The following NSUN6 variants were observed in gnomAD, a reference collection of about 807,000 sequenced individuals.
NSUN6 encodes tRNA (cytosine(72)-C(5))-methyltransferase NSUN6.
A neutral mutation model predicts 58.0 loss-of-function variants in NSUN6; 64 were observed. The observed-to-expected ratio is 1.10, with a 90% CI of 0.90 to 1.36. The LOEUF is 1.36. Among genes scored for constraint, NSUN6 ranks in the 40% most tolerant of loss-of-function variants. The pLI is 0.00. For missense variants in NSUN6, 701 were observed against 550.1 expected (o/e 1.27, Z -2.74); for synonymous variants, 231 against 193.9 (o/e 1.19, Z -1.59).
At chr10:18,562,551 G>A (rs191728413) in intron 8 of NSUN6, among the ~76,000 whole-genome samples, 1 of 148,502 alleles carries the variant, frequency 6.7e-6, no homozygotes, top group African/African-American at 2.6e-5. Context: ...GAATAGAATG[G>A]AATGGAGAAT....
chr10:18,590,001 T>C (rs2057316844), intron 7 of NSUN6, among the ~76,000 whole-genome samples: 1 of 152,086 alleles, frequency 6.6e-6, no homozygotes, highest in African/African-American at 2.4e-5. Context: ...GTGTGCTGTA[T>C]TCGGGAGACC....
chr10:18,559,792 G>A (rs945221838), intron 8 of NSUN6, among the ~76,000 whole-genome samples: 9 of 136,856 alleles, frequency 6.6e-5, no homozygotes, highest in East Asian at 3.2e-4. Context: ...GAATGGAAGC[G>A]AATGGAGAAT....
chr10:18,608,770 C>T (rs1056734673), intron 6 of NSUN6, among the ~76,000 whole-genome samples: 7 of 151,986 alleles, frequency 4.6e-5, no homozygotes, highest in African/African-American at 1.2e-4. Flanking sequence ...CTCAGGGCTA[C>T]GTTGCCAAAT....
chr10:18,651,424 AAT>A lies in NSUN6; in HGVS notation c.-223_-222del, dbSNP rs886129829. The stretch of plus-strand genomic sequence containing the variant: ...GGCTTCCACCACACCTCATCGAGGC[AAT>A]GTTTTCTGGTAGAGATGCTCATGGA... On this transcript the variant is annotated 5_prime_UTR_variant, in exon 1 of 11. The change creates a premature stop within an existing upstream ORF in the 5' untranslated region. Coordinates refer to ENST00000377304, the MANE Select transcript of NSUN6 (RefSeq NM_182543.5). 5.8e-5 allele frequency: 72 copies of A among 1,238,864 alleles called. No homozygotes were observed. The highest frequency in any genetic ancestry group is 7.2e-5 in the Non-Finnish European group (71 of 990,524). The allele number at this position is 1,238,864 out of a possible 1,614,324, so 76.7% of individuals were successfully genotyped here. A position where few individuals can be genotyped will look rare whatever the true frequency, so the allele number is the denominator to read the frequency against.
upstream of NSUN6, chr10:18,658,519 G>T: frequency 5.1e-6 from 1 of 196,950 alleles, no homozygotes; most frequent in Non-Finnish European, 9.2e-6. Flanking sequence ...AAGTGGAATT[G>T]AAAACAATTA....
upstream of NSUN6, chr10:18,652,299 AT>A: frequency 1.0e-6 from 1 of 984,816 alleles, no homozygotes; most frequent in Non-Finnish European, 1.2e-6. Flanking sequence ...TCACTGAGTC[AT>A]TTTATAACTG....
At chr10:18,551,739 G>T in intron 9 of NSUN6, 84 bp downstream of exon 9, 2 of 1,156,504 alleles carry the variant, frequency 1.7e-6, no homozygotes, top group Non-Finnish European at 2.5e-6. Flanking sequence ...TGTAATGAAC[G>T]CTGCTATGGA....
At chr10:18,554,485 A>C (rs975146448) in intron 8 of NSUN6, among the ~76,000 whole-genome samples, 13 of 151,586 alleles carry the variant, frequency 8.6e-5, no homozygotes, top group African/African-American at 3.1e-4. Context: ...GGAGAATGGA[A>C]TGAAAGGGAG....
chr10:18,595,412 T>A (rs2131200861), intron 7 of NSUN6, among the ~76,000 whole-genome samples: 1 of 152,346 alleles, frequency 6.6e-6, no homozygotes, highest in Middle Eastern at 3.4e-3. Context: ...TAATGGAGAA[T>A]TAACACTTTC....
At chr10:18,634,152 A>T (rs751950849) in intron 3 of NSUN6, among the ~76,000 whole-genome samples, 46 of 152,358 alleles carry the variant, frequency 3.0e-4, no homozygotes, top group Admixed American at 9.1e-4. Flanking sequence ...GCAGATTTTA[A>T]AAATGTAAAC....
At chr10:18,570,765 C>A (rs1474072818) in intron 8 of NSUN6, among the ~76,000 whole-genome samples, 1 of 136,036 alleles carries the variant, frequency 7.4e-6, no homozygotes, top group African/African-American at 2.6e-5. Context: ...TTCTCCATTC[C>A]ATTCCATGCT....
At chr10:18,560,455 C>T (rs560645594) in intron 8 of NSUN6, among the ~76,000 whole-genome samples, 56 of 136,532 alleles carry the variant, frequency 4.1e-4, no homozygotes, top group African/African-American at 1.5e-3. Flanking sequence ...GAATGGCATG[C>T]ACTGGTGAAT....
intron 3 of NSUN6, among the ~76,000 whole-genome samples, chr10:18,624,082 A>G (rs552317141): frequency 6.6e-6 from 1 of 152,302 alleles, no homozygotes; most frequent in South Asian, 2.1e-4. Flanking sequence ...TGTAAACCAA[A>G]CAAAAGGAAA....
At chr10:18,652,446 G>GAC (rs1227011924), upstream of NSUN6, 3 of 982,618 alleles carry the variant, frequency 3.1e-6, no homozygotes, top group East Asian at 2.3e-4. Context: ...TATACACACA[G>GAC]ACACACACAC....
chr10:18,553,920 T>C (rs1316500918), intron 8 of NSUN6, among the ~76,000 whole-genome samples: 1 of 147,862 alleles, frequency 6.8e-6, no homozygotes, highest in African/African-American at 2.5e-5. Flanking sequence ...TGGAATGGAA[T>C]GGAGAACGGT....
intron 6 of NSUN6, among the ~76,000 whole-genome samples, chr10:18,598,880 C>T (rs557315355): frequency 2.0e-5 from 3 of 152,168 alleles, no homozygotes; most frequent in Non-Finnish European, 4.4e-5. Flanking sequence ...GCTGGCTATG[C>T]TTCACTCCTA....
chr10:18,585,840 T>G, intron 8 of NSUN6, 109 bp downstream of exon 8: 1 of 807,294 alleles, frequency 1.2e-6, no homozygotes, highest in Non-Finnish European at 1.9e-6. Context: ...ATTAGCTTGT[T>G]TTAATCATTC....
At chr10:18,578,692 C>A (rs927239698) in intron 8 of NSUN6, among the ~76,000 whole-genome samples, 7 of 152,148 alleles carry the variant, frequency 4.6e-5, no homozygotes, top group Non-Finnish European at 2.9e-5. Flanking sequence ...TCTTTTAATC[C>A]TGTGGCCAGC....
At chr10:18,616,407 A>C (rs11813408) in intron 3 of NSUN6, 114 bp from the exon 4 acceptor site, 1 of 576,000 alleles carries the variant, frequency 1.7e-6, no homozygotes, top group African/African-American at 1.9e-5. Flanking sequence ...TCCTGAATAC[A>C]TAAGAAAACG....
Sources: allele counts gnomAD v4.1 joint callset (sites outside exome capture counted in the v4.1 genomes callset), GRCh38; gene constraint gnomAD v4.1.1; transcripts MANE v1.5; gene names NCBI Gene and HGNC (gene_info 2026-07-23, HGNC 2026-07-21).